PPP3CA: variants seen among roughly 807,000 people sequenced by gnomAD.
PPP3CA encodes the protein CAM-PRP catalytic subunit.
In PPP3CA, 14 loss-of-function variants were observed where a neutral mutation model predicts 66.5. That is an observed-to-expected ratio of 0.21 (90% CI 0.14 to 0.33). The LOEUF is 0.33. PPP3CA is among the 10% of genes least tolerant of loss of function. PPP3CA has a pLI of 1.00. For missense variants in PPP3CA, 317 were observed against 639.5 expected (o/e 0.50, Z 5.44); for synonymous variants, 232 against 226.2 (o/e 1.03, Z -0.23).
At chr4:101,100,213 T>C (rs374817061) in intron 3 of PPP3CA, among the ~76,000 whole-genome samples, 1 of 151,970 alleles carries the variant, frequency 6.6e-6, no homozygotes, top group East Asian at 1.9e-4. Flanking sequence ...AGACAAGATG[T>C]TGGGAGAGAA....
intron 5 of PPP3CA, among the ~76,000 whole-genome samples, chr4:101,097,456 G>A (rs929570680): frequency 1.3e-5 from 2 of 151,934 alleles, no homozygotes; most frequent in African/African-American, 4.8e-5. Flanking sequence ...TTAATGGTGG[G>A]CACAAATTTT....
intron 1 of PPP3CA, among the ~76,000 whole-genome samples, chr4:101,306,593 A>G (rs1728541845): frequency 6.6e-6 from 1 of 152,212 alleles, no homozygotes; most frequent in East Asian, 1.9e-4. Flanking sequence ...CGGAAGAATA[A>G]GAGAAGAGAG....
chr4:101,343,455 G>C (rs1420394577), intron 1 of PPP3CA, among the ~76,000 whole-genome samples: 1 of 152,108 alleles, frequency 6.6e-6, no homozygotes, highest in Non-Finnish European at 1.5e-5. Flanking sequence ...TCAAGGGGAG[G>C]AAGACAGTTA....
chr4:101,091,194 T>C (rs1357171378), intron 6 of PPP3CA, among the ~76,000 whole-genome samples: 2 of 152,016 alleles, frequency 1.3e-5, no homozygotes, highest in African/African-American at 2.4e-5. Flanking sequence ...TATAACTCTG[T>C]GATATCAAGC....
chr4:101,051,368 C>CT (rs1728002104), intron 10 of PPP3CA, among the ~76,000 whole-genome samples: 1 of 152,124 alleles, frequency 6.6e-6, no homozygotes, highest in African/African-American at 2.4e-5. Context: ...ACTCACAACT[C>CT]TCTTGCAGTT....
chr4:101,131,401 A>G (rs1402763176), intron 2 of PPP3CA, among the ~76,000 whole-genome samples: 1 of 149,488 alleles, frequency 6.7e-6, no homozygotes, highest in Non-Finnish European at 1.5e-5. Context: ...ATGGAGGAAG[A>G]TTTACCAAGC....
chr4:101,262,130 T>C (rs1287820871), intron 1 of PPP3CA, among the ~76,000 whole-genome samples: 1 of 152,230 alleles, frequency 6.6e-6, no homozygotes, highest in Admixed American at 6.5e-5. Context: ...TTACATTTAT[T>C]TTTTTCTTTA....
chr4:101,083,330 T>A, intron 6 of PPP3CA, 67 bp from the exon 7 acceptor site: 3 of 1,284,902 alleles, frequency 2.3e-6, no homozygotes, highest in Non-Finnish European at 3.4e-6. Context: ...CATTTATCTC[T>A]AACATCCAGA....
intron 1 of PPP3CA, among the ~76,000 whole-genome samples, chr4:101,205,685 T>G (rs1447838073): frequency 1.3e-5 from 2 of 152,148 alleles, no homozygotes; most frequent in Non-Finnish European, 2.9e-5. Context: ...TCCTCTGTGG[T>G]TAAAACACCT....
At chr4:101,237,364 G>A (rs1452797082) in intron 1 of PPP3CA, among the ~76,000 whole-genome samples, 3 of 151,844 alleles carry the variant, frequency 2.0e-5, no homozygotes, top group Admixed American at 6.6e-5. Flanking sequence ...CCAGGGAGTG[G>A]TGAGTTGAGT....
intron 2 of PPP3CA, among the ~76,000 whole-genome samples, chr4:101,173,744 G>A (rs1290664667): frequency 6.6e-6 from 1 of 151,934 alleles, no homozygotes; most frequent in African/African-American, 2.4e-5. Context: ...TTGGAATTTT[G>A]CATTTAAATA....
intron 1 of PPP3CA, among the ~76,000 whole-genome samples, chr4:101,299,735 C>A (rs1397246235): frequency 6.6e-6 from 1 of 152,050 alleles, no homozygotes; most frequent in Non-Finnish European, 1.5e-5. Context: ...ATGTACAGAG[C>A]CTCAGGAAAT....
intron 8 of PPP3CA, among the ~76,000 whole-genome samples, chr4:101,069,357 C>A (rs1367956193): frequency 6.6e-6 from 1 of 152,050 alleles, no homozygotes; most frequent in Non-Finnish European, 1.5e-5. Flanking sequence ...CCATTCTAGC[C>A]CTTGCCCCAC....
chr4:101,330,706 A>G (rs1560721245), intron 1 of PPP3CA, among the ~76,000 whole-genome samples: 2 of 152,154 alleles, frequency 1.3e-5, no homozygotes, highest in South Asian at 4.1e-4. Context: ...TAAAGCCACA[A>G]TATCTCTAAA....
intron 2 of PPP3CA, among the ~76,000 whole-genome samples, chr4:101,181,250 G>A (rs1234379770): frequency 6.6e-6 from 1 of 151,574 alleles, no homozygotes; most frequent in African/African-American, 2.4e-5. Context: ...TAAGTATCTC[G>A]ACTTTCACAG....
At chr4:101,344,469 T>C (rs1729916190) in intron 1 of PPP3CA, among the ~76,000 whole-genome samples, 1 of 152,224 alleles carries the variant, frequency 6.6e-6, no homozygotes. Context: ...ACAAAACTTC[T>C]ATAAACAAAA....
intron 1 of PPP3CA, among the ~76,000 whole-genome samples, chr4:101,273,877 T>C (rs898921608): frequency 2.6e-5 from 4 of 152,018 alleles, no homozygotes; most frequent in Non-Finnish European, 5.9e-5. Flanking sequence ...GAAAACATCT[T>C]GGGCCAAGAA....
At chr4:101,102,559 A>G (rs947825687) in intron 3 of PPP3CA, among the ~76,000 whole-genome samples, 2 of 152,170 alleles carry the variant, frequency 1.3e-5, no homozygotes, top group African/African-American at 4.8e-5. Flanking sequence ...GAGCCCTGCC[A>G]GCATTCTCCC....
In PPP3CA at chr4:101,033,292, A is replaced by AC. The variant is rs1727087037; in HGVS notation, c.1242-929_1242-928insG. On this transcript the variant is annotated intron_variant, in intron 11 of 13. Transcript: ENST00000394854. ...TACATAGAGACACACACACACACAC[A>AC]AACACACACACACACACACACACAC... Among the ~76,000 whole-genome samples the AC allele has an allele frequency of 2.3e-3, 202 of 88,168 alleles. 3 individuals are homozygous for AC. The East Asian group carries it at 0.054, about 24-fold the overall frequency. 57.8% of individuals were successfully genotyped at this position (88,168 alleles called of 152,430 possible).
Sources: gnomAD v4.1 joint callset for allele counts (sites outside exome capture counted in the v4.1 genomes callset) on GRCh38, gnomAD v4.1.1 for gene constraint, MANE v1.5 for transcripts, NCBI Gene and HGNC (gene_info 2026-07-23, HGNC 2026-07-21) for gene names.